SRGAP1: variants seen among roughly 807,000 people sequenced by gnomAD.
SRGAP1 encodes SLIT-ROBO Rho GTPase activating protein 1.
In SRGAP1, 43 loss-of-function variants were observed where a neutral mutation model predicts 121.9. The observed-to-expected ratio is 0.35, with a 90% CI of 0.28 to 0.46. The LOEUF (loss-of-function observed/expected upper bound fraction) is 0.46. Ranked by LOEUF, SRGAP1 falls within the 20% of genes least tolerant of loss-of-function variation. The pLI, the probability that SRGAP1 is intolerant of heterozygous loss-of-function variation, is 1.00. For synonymous variants in SRGAP1, 447 were observed against 485.4 expected (o/e 0.92, Z 1.04); for missense variants, 1,102 against 1,350.9 (o/e 0.82, Z 2.89).
Position 64,124,541 on chromosome 12 carries a change from T to C in SRGAP1, c.2225-1436T>C, listed in dbSNP as rs1234479182. ...TGGCCCCTTTTTGTCCTGTTTATTATTGAAGAGAAGTTTACTCACCTTTGT... is the reference window on the plus strand; with the variant it reads ...TGGCCCCTTTTTGTCCTGTTTATTACTGAAGAGAAGTTTACTCACCTTTGT... On this transcript the variant is annotated intron_variant, in intron 18 of 21. Coordinates refer to ENST00000355086, the MANE Select transcript of SRGAP1 (RefSeq NM_020762.4). Among the ~76,000 whole-genome samples, 3 of 152,228 alleles carry C rather than the reference T, an allele frequency of 2.0e-5. No individual in the cohort carries two copies. The East Asian group carries it at 5.8e-4, about 29-fold the overall frequency.
At chr12:64,040,882 TATTCTCTA>T (rs2035003355) in intron 4 of SRGAP1, among the ~76,000 whole-genome samples, 2 of 152,218 alleles carry the variant, frequency 1.3e-5, no homozygotes, top group African/African-American at 4.8e-5. Flanking sequence ...AAAATGTGCA[TATTCTCTA>T]ATGCTGCAAT....
chr12:63,901,091 C>G (rs903079160), intron 1 of SRGAP1, among the ~76,000 whole-genome samples: 5 of 151,806 alleles, frequency 3.3e-5, no homozygotes, highest in Non-Finnish European at 7.4e-5. Flanking sequence ...TTTGGAAACA[C>G]TTATTTACTA....
chr12:64,027,665 A>G (rs1192271908), intron 4 of SRGAP1, among the ~76,000 whole-genome samples: 3 of 152,204 alleles, frequency 2.0e-5, no homozygotes, highest in African/African-American at 7.2e-5. Context: ...CAAAGAACAT[A>G]GGCAGCAAAA....
At chr12:64,036,341 G>A (rs1365109144) in intron 4 of SRGAP1, among the ~76,000 whole-genome samples, 1 of 152,118 alleles carries the variant, frequency 6.6e-6, no homozygotes, top group African/African-American at 2.4e-5. Context: ...CAATGGGCGT[G>A]GGCTTCCAAG....
chr12:63,926,371 A>G (rs1296835869), intron 1 of SRGAP1, among the ~76,000 whole-genome samples: 3 of 152,144 alleles, frequency 2.0e-5, no homozygotes, highest in Non-Finnish European at 4.4e-5. Context: ...TTATCATTCC[A>G]GTTTCATAGG....
At chr12:63,961,544 C>T (rs1184351381) in intron 1 of SRGAP1, among the ~76,000 whole-genome samples, 1 of 152,164 alleles carries the variant, frequency 6.6e-6, no homozygotes, top group Non-Finnish European at 1.5e-5. Context: ...GCCTCCATTC[C>T]CTTGGCCCTC....
chr12:63,982,514 C>T (rs556486403), intron 1 of SRGAP1: 1 of 152,338 alleles, frequency 6.6e-6, no homozygotes, highest in South Asian at 2.1e-4. Flanking sequence ...TATTCATGGA[C>T]TTGCTGTGAA....
chr12:64,138,255 A>G (rs2036891328), intron 21 of SRGAP1, among the ~76,000 whole-genome samples: 1 of 151,876 alleles, frequency 6.6e-6, no homozygotes, highest in South Asian at 2.1e-4. Flanking sequence ...ATTTAGTGTA[A>G]TGTCCTCAAG....
intron 7 of SRGAP1, among the ~76,000 whole-genome samples, chr12:64,063,792 C>T (rs977847379): frequency 6.6e-6 from 1 of 152,048 alleles, no homozygotes; most frequent in Non-Finnish European, 1.5e-5. Flanking sequence ...AAACAAAACT[C>T]ATAGATAAAA....
At chr12:63,861,302 A>ATATATAT (rs1184711599) in intron 1 of SRGAP1, among the ~76,000 whole-genome samples, 1,469 of 132,578 alleles carry the variant, frequency 0.011, 12 homozygotes, top group East Asian at 0.026. Context: ...ATATATATAT[A>ATATATAT]TTTTTTTTTT....
chr12:63,942,948 G>T (rs895663980), intron 1 of SRGAP1, among the ~76,000 whole-genome samples: 1 of 152,146 alleles, frequency 6.6e-6, no homozygotes, highest in East Asian at 1.9e-4. Flanking sequence ...GCATTAAAAT[G>T]AGAAAAGGGG....
At chr12:64,033,802 A>G (rs1420133912) in intron 4 of SRGAP1, among the ~76,000 whole-genome samples, 1 of 152,192 alleles carries the variant, frequency 6.6e-6, no homozygotes, top group East Asian at 1.9e-4. Flanking sequence ...CAGGTGGATC[A>G]TGAGGTCAGG....
chr12:64,026,179 C>T (rs2034649419), intron 4 of SRGAP1, among the ~76,000 whole-genome samples: 1 of 151,902 alleles, frequency 6.6e-6, no homozygotes, highest in African/African-American at 2.4e-5. Context: ...AAAAAAAATT[C>T]TAAAGAATGT....
intron 1 of SRGAP1, among the ~76,000 whole-genome samples, chr12:63,921,269 T>C (rs2031032893): frequency 6.6e-6 from 1 of 152,264 alleles, no homozygotes; most frequent in Admixed American, 6.5e-5. Flanking sequence ...CGTAATCTCC[T>C]AACTGCATTT....
intron 8 of SRGAP1, among the ~76,000 whole-genome samples, chr12:64,074,643 C>T (rs997390817): frequency 1.3e-5 from 2 of 152,160 alleles, no homozygotes; most frequent in Non-Finnish European, 2.9e-5. Flanking sequence ...TCCCTGACTT[C>T]TCAGACAACA....
In SRGAP1 at chr12:64,147,506, G is replaced by C; in HGVS notation, c.*4834G>C. ...TCCCTGTCGGTCCTCAGACTGTCTC[G>C]TTTTCCTTGTAGACGTGATTGTGCC... On this transcript the variant is annotated 3_prime_UTR_variant, in exon 22 of 22. Coordinates refer to ENST00000355086, the MANE Select transcript of SRGAP1 (RefSeq NM_020762.4). 1 of 398,592 alleles carries C rather than the reference G, an allele frequency of 2.5e-6. No homozygotes were observed. The highest frequency in any genetic ancestry group is 4.4e-6 in the Non-Finnish European group (1 of 226,138). 24.7% of individuals were successfully genotyped at this position (398,592 alleles called of 1,614,324 possible). A position where few individuals can be genotyped will look rare whatever the true frequency, so the allele number is the denominator to read the frequency against.
At chr12:63,953,090 G>T (rs1270442228) in intron 1 of SRGAP1, among the ~76,000 whole-genome samples, 1 of 152,232 alleles carries the variant, frequency 6.6e-6, no homozygotes, top group Non-Finnish European at 1.5e-5. Context: ...AATAGTAAGT[G>T]GCAGAGGATG....
At chr12:64,115,766 A>G in intron 17 of SRGAP1, 48 bp from the exon 18 acceptor site, 1 of 1,534,018 alleles carries the variant, frequency 6.5e-7, no homozygotes, top group South Asian at 1.2e-5. Flanking sequence ...GTCTCAAAAA[A>G]TTTTTGTCTA....
At chr12:63,921,656 A>G (rs2031050406) in intron 1 of SRGAP1, among the ~76,000 whole-genome samples, 1 of 152,192 alleles carries the variant, frequency 6.6e-6, no homozygotes, top group Non-Finnish European at 1.5e-5. Context: ...ACTAAGGATT[A>G]TCTGTTATAT....
Sources: gnomAD v4.1 joint callset for allele counts (sites outside exome capture counted in the v4.1 genomes callset) on GRCh38, gnomAD v4.1.1 for gene constraint, MANE v1.5 for transcripts, NCBI Gene and HGNC (gene_info 2026-07-23, HGNC 2026-07-21) for gene names.